The following ZNF585B variants were observed in gnomAD, a reference collection of about 807,000 sequenced individuals.
The protein encoded by ZNF585B is zinc finger protein 41-like protein.
In ZNF585B, 7 loss-of-function variants were observed where a neutral mutation model predicts 14.0. That is an observed-to-expected ratio of 0.50 (90% CI 0.28 to 0.94). ZNF585B has a LOEUF of 0.94. Ranked by LOEUF, ZNF585B falls within the 40% of genes least tolerant of loss-of-function variation. The pLI, the probability that ZNF585B is intolerant of heterozygous loss-of-function variation, is 0.09. For missense variants in ZNF585B, 750 were observed against 924.4 expected (o/e 0.81, Z 2.45); for synonymous variants, 290 against 317.3 (o/e 0.91, Z 0.91).
intron 2 of ZNF585B, among the ~76,000 whole-genome samples, chr19:37,204,157 G>A (rs1972562497): frequency 6.6e-6 from 1 of 152,158 alleles, no homozygotes; most frequent in Non-Finnish European, 1.5e-5. Flanking sequence ...CTTTGTACAT[G>A]ATTCTTTTCA....
chr19:37,200,271 G>T (rs1438891229), intron 2 of ZNF585B, among the ~76,000 whole-genome samples: 6 of 151,688 alleles, frequency 4.0e-5, no homozygotes, highest in Non-Finnish European at 1.5e-5. Flanking sequence ...CAAAAGGTAG[G>T]CCAGGCACGG....
chr19:37,192,100 C>T (rs1309786734), intron 2 of ZNF585B, among the ~76,000 whole-genome samples: 2 of 152,110 alleles, frequency 1.3e-5, no homozygotes, highest in Non-Finnish European at 2.9e-5. Context: ...ACCTGCCACA[C>T]AGTGGCTGAT....
chr19:37,184,926 G>T lies in ZNF585B; in HGVS notation c.*301C>A, dbSNP rs1972315098. The T allele has an allele frequency of 2.2e-6, 1 of 455,428 alleles. No homozygotes were observed. The highest frequency in any genetic ancestry group is 3.8e-6 in the Non-Finnish European group (1 of 260,150). 28.2% of individuals were successfully genotyped at this position (455,428 alleles called of 1,614,324 possible). A position where few individuals can be genotyped will look rare whatever the true frequency, so the allele number is the denominator to read the frequency against. ...ATTCCCATAATATGATCTTTCTTAT[G>T]AAGAATTTGGTAACAGTATTCTATT... On this transcript the variant is annotated 3_prime_UTR_variant, in exon 5 of 5. Coordinates refer to ENST00000532828, the MANE Select transcript of ZNF585B (RefSeq NM_152279.4).
At chr19:37,191,731 G>T (rs1163398381) in intron 2 of ZNF585B, among the ~76,000 whole-genome samples, 1 of 151,702 alleles carries the variant, frequency 6.6e-6, no homozygotes, top group East Asian at 1.9e-4. Flanking sequence ...TTCAAAACTG[G>T]CCATTGAAAT....
chr19:37,201,575 A>G (rs1222816972), intron 2 of ZNF585B, among the ~76,000 whole-genome samples: 1 of 152,244 alleles, frequency 6.6e-6, no homozygotes, highest in African/African-American at 2.4e-5. Context: ...ACATTCAGAA[A>G]TGTTAAACAT....
At chr19:37,198,968 A>G (rs1245534211) in intron 2 of ZNF585B, 3 of 1,518,950 alleles carry the variant, frequency 2.0e-6, no homozygotes, top group Non-Finnish European at 2.6e-6. Flanking sequence ...AACTGCATTC[A>G]GAGATTACAG....
At chr19:37,195,580 T>A (rs962480696) in intron 2 of ZNF585B, among the ~76,000 whole-genome samples, 2 of 151,948 alleles carry the variant, frequency 1.3e-5, no homozygotes, top group African/African-American at 2.4e-5. Flanking sequence ...AATATGGGAA[T>A]ACAAACACTT....
Position 37,184,492 on chromosome 19 carries a change from G to GA in ZNF585B, c.*734dup, listed in dbSNP as rs774434228. 1.7e-5 allele frequency: 2 copies of GA among 117,548 alleles called. No homozygotes were observed. Among genetic ancestry groups the GA allele is most frequent in the African/African-American group, 3.5e-5 (1 of 28,672 alleles). 7.3% of individuals were successfully genotyped at this position (117,548 alleles called of 1,614,324 possible). A position where few individuals can be genotyped will look rare whatever the true frequency, so the allele number is the denominator to read the frequency against. On this transcript the variant is annotated 3_prime_UTR_variant, in exon 5 of 5. Transcript: ENST00000532828. Reference sequence around the variant, plus strand: ...AGAAAGAAAGAAAGAAAGAAAGAAAGAAAGAAAGAAAGAGAAAGAAAGAAA... The same window carrying GA: ...AGAAAGAAAGAAAGAAAGAAAGAAAGAAAAGAAAGAAAGAGAAAGAAAGAAA...
intron 1 of ZNF585B, among the ~76,000 whole-genome samples, chr19:37,209,546 T>C (rs1360682771): frequency 2.0e-5 from 3 of 152,138 alleles, no homozygotes; most frequent in Non-Finnish European, 4.4e-5. Context: ...TGTGAGGAGA[T>C]ACATAATATA....
rs1473509541 is a variant in ZNF585B at position 37,184,324 on chromosome 19, G to C, written c.*903C>G. 1 of 150,760 alleles carries C rather than the reference G, an allele frequency of 6.6e-6. No homozygotes were observed. The highest frequency in any genetic ancestry group is 6.8e-5 in the Admixed American group (1 of 14,812). The allele number at this position is 150,760 out of a possible 1,614,324, so 9.3% of individuals were successfully genotyped here. A position where few individuals can be genotyped will look rare whatever the true frequency, so the allele number is the denominator to read the frequency against. On this transcript the variant is annotated 3_prime_UTR_variant, in exon 5 of 5. Transcript: ENST00000532828. Reference sequence around the variant, plus strand: ...GCCAAGATAGCGCCACTGCACTCTAGCTTGCCCGACAGAGCAAGACTCTGT... The same window carrying C: ...GCCAAGATAGCGCCACTGCACTCTACCTTGCCCGACAGAGCAAGACTCTGT...
intron 2 of ZNF585B, chr19:37,199,108 C>A: frequency 2.2e-6 from 2 of 894,782 alleles, no homozygotes; most frequent in South Asian, 1.6e-5. Flanking sequence ...CTTGTATAGT[C>A]ACACCCTACA....
At position 37,186,709 on chromosome 19, in the gene ZNF585B, C is replaced by T. The variant is rs78662489; in HGVS notation, c.828G>A (p.Gly276=). The T allele has an allele frequency of 3.8e-4, 609 of 1,614,134 alleles. 1 individual carries two copies. The African/African-American group carries it at 6.0e-3, about 16-fold the overall frequency. Residue 276 remains glycine, a synonymous_variant, in exon 5 of 5, where the codon GGG becomes GGA. Coordinates refer to ENST00000532828, the MANE Select transcript of ZNF585B (RefSeq NM_152279.4). ...GERSYICIEC[G]QAFIQKTQLI... ...ATTGTGTTTTCTGGATGAAGGCCTG[C>T]CCGCATTCAATACAGATGTAGGATC...
chr19:37,183,833 T>C lies in ZNF585B; in HGVS notation c.*1394A>G, dbSNP rs1325964876. 6.6e-6 allele frequency: 1 copy of C among 151,988 alleles called. No homozygotes were observed. Among genetic ancestry groups the C allele is most frequent in the East Asian group, 1.9e-4 (1 of 5,180 alleles). The allele number at this position is 151,988 out of a possible 1,614,324, so 9.4% of individuals were successfully genotyped here. A position where few individuals can be genotyped will look rare whatever the true frequency, so the allele number is the denominator to read the frequency against. ...CATATGATTTATGATTTATCTCATA[T>C]CTCATATAATGTAAGATAATGATTT... On this transcript the variant is annotated 3_prime_UTR_variant, in exon 5 of 5. Coordinates refer to ENST00000532828, the MANE Select transcript of ZNF585B (RefSeq NM_152279.4).
rs545172104 is a variant in ZNF585B, at chr19:37,206,614, T to C, written c.72+426A>G. On this transcript the variant is annotated intron_variant, in intron 2 of 4. Coordinates refer to ENST00000532828, the MANE Select transcript of ZNF585B (RefSeq NM_152279.4). ...ATAGCAGGAAATACATAGAAAATAG[T>C]AGAGAAAAGAAATGGAGAAGCAACA... Among the ~76,000 whole-genome samples, 16 of 151,962 alleles carry C rather than the reference T, an allele frequency of 1.1e-4. No individual in the cohort carries two copies. In the South Asian group the frequency reaches 3.1e-3, roughly 30 times the overall value.
rs1301627178 is a variant in ZNF585B, at chr19:37,184,797, G to A, written c.*430C>T. 2.5e-6 allele frequency: 1 copy of A among 404,340 alleles called. No individual in the cohort carries two copies. Among genetic ancestry groups the A allele is most frequent in the Non-Finnish European group, 4.4e-6 (1 of 228,554 alleles). 25.0% of individuals were successfully genotyped at this position (404,340 alleles called of 1,614,324 possible). ...ACAATTCTACTAGACAGTGTGTTCT[G>A]GAACAAACAACTCACAGAAGGATTC... is the stretch of plus-strand genomic sequence containing the variant. On this transcript the variant is annotated 3_prime_UTR_variant, in exon 5 of 5. Coordinates refer to ENST00000532828, the MANE Select transcript of ZNF585B (RefSeq NM_152279.4).
Position 37,187,218 on chromosome 19 carries a change from G to A in ZNF585B, c.319C>T (p.His107Tyr), listed in dbSNP as rs760345963. 8 of 1,609,306 alleles carry A rather than the reference G, an allele frequency of 5.0e-6. No homozygotes were observed. In the South Asian group the frequency reaches 8.9e-5, roughly 18 times the overall value. ...PGEKLWDHNQ[H>Y]RKIIGYKPAS... ...GGTTTATAACCGATGATTTTTCTAT[G>A]TTGATTATGGTCCCATAATTTCTCT... Residue 107 changes from histidine to tyrosine, a missense_variant, in exon 5 of 5, where the codon CAT becomes TAT. His to Tyr is a moderately conservative substitution (Grantham distance 83, BLOSUM62 2). Around this residue, in one of 2 missense-constraint regions of ZNF585B, gnomAD observed 517 missense variants for 570.3 expected, o/e 0.91. Coordinates refer to ENST00000532828, the MANE Select transcript of ZNF585B (RefSeq NM_152279.4).
At chr19:37,205,941 G>A (rs1189393929) in intron 2 of ZNF585B, among the ~76,000 whole-genome samples, 9 of 150,464 alleles carry the variant, frequency 6.0e-5, no homozygotes, top group South Asian at 2.1e-4. Flanking sequence ...TTAGCCAGGC[G>A]TGGTGGCTCG....
At position 37,185,230 on chromosome 19, in the gene ZNF585B, A is replaced by T. The variant is rs1289518227; in HGVS notation, c.2307T>A (p.Ala769=). The T allele has an allele frequency of 6.2e-7, 1 of 1,609,872 alleles. No homozygotes were observed. The highest frequency in any genetic ancestry group is 1.1e-5 in the South Asian group (1 of 90,596). The part of the protein sequence containing the change: ...SVFSVHQSSH[A] ...GGGTTTTCTCACACTGTTTCTCTCA[A>T]GCGTGGCTGCTCTGATGAACACTGA... Residue 769 remains alanine, a synonymous_variant, in exon 5 of 5, where the codon GCT becomes GCA. Coordinates refer to ENST00000532828, the MANE Select transcript of ZNF585B (RefSeq NM_152279.4).
Position 37,207,142 on chromosome 19 carries a change from A to T in ZNF585B, c.-31T>A. The T allele has an allele frequency of 6.2e-7, 1 of 1,613,608 alleles. No individual in the cohort carries two copies. Among genetic ancestry groups the T allele is most frequent in the Non-Finnish European group, 8.5e-7 (1 of 1,179,950 alleles). On this transcript the variant is annotated 5_prime_UTR_variant, in exon 2 of 5. It removes the in-frame stop codon of an upstream open reading frame in the 5' UTR. Transcript: ENST00000532828. The stretch of plus-strand genomic sequence containing the variant: ...CACTGGATCTCAACCCTTTTTGTCT[A>T]GGGTGCCTGAAGTTTAGTGGTCATC...
Sources: gnomAD v4.1 joint callset for allele counts (sites outside exome capture counted in the v4.1 genomes callset) on GRCh38, gnomAD v4.1.1 for gene constraint, gnomAD v4.1.1 regional missense constraint, MANE v1.5 for transcripts, NCBI Gene and HGNC (gene_info 2026-07-23, HGNC 2026-07-21) for gene names.